The following MCCC1 variants were observed in gnomAD, a reference collection of about 807,000 sequenced individuals.
The protein encoded by MCCC1 is methylcrotonyl-CoA carboxylase subunit 1.
In MCCC1, 64 loss-of-function variants were observed where a neutral mutation model predicts 83.8. That is an observed-to-expected ratio of 0.76 (90% CI 0.62 to 0.94). The LOEUF is 0.94. Ranked by LOEUF, MCCC1 falls within the 40% of genes least tolerant of loss-of-function variation. MCCC1 has a pLI of 0.00. For missense variants in MCCC1, 807 were observed against 904.7 expected (o/e 0.89, Z 1.39); for synonymous variants, 322 against 315.4 (o/e 1.02, Z -0.22).
chr3:183,017,436 TCATAA>T, intron 17 of MCCC1, 99 bp from the exon 18 acceptor site: 2 of 1,026,620 alleles, frequency 1.9e-6, no homozygotes, highest in Non-Finnish European at 1.5e-6. Context: ...CTATATATAC[TCATAA>T]CATCATGTTG....
chr3:183,039,812 A>C (rs1014526410), intron 11 of MCCC1, among the ~76,000 whole-genome samples: 1 of 152,112 alleles, frequency 6.6e-6, no homozygotes, highest in African/African-American at 2.4e-5. Context: ...TGATAAGATT[A>C]GAGGTGCCTA....
intron 10 of MCCC1, among the ~76,000 whole-genome samples, chr3:183,042,258 T>C (rs1399545754): frequency 2.0e-5 from 3 of 152,230 alleles, no homozygotes; most frequent in Non-Finnish European, 4.4e-5. Flanking sequence ...GGGAAAATGA[T>C]GGTTTTTCAA....
intron 14 of MCCC1, among the ~76,000 whole-genome samples, chr3:183,029,889 T>C (rs1712907367): frequency 3.3e-5 from 5 of 152,110 alleles, no homozygotes; most frequent in Admixed American, 3.3e-4. Flanking sequence ...TAGTCAGAGC[T>C]GATGTTCCGA....
At chr3:183,027,969 A>T (rs2134427) in intron 14 of MCCC1, among the ~76,000 whole-genome samples, 136,911 of 152,282 alleles carry the variant, frequency 0.9, 61,860 homozygotes, top group East Asian at 1. Context: ...AACAACAGAC[A>T]TTTAATGGAG....
chr3:183,112,947 C>T (rs960413116), intron 1 of MCCC1, among the ~76,000 whole-genome samples: 2 of 151,792 alleles, frequency 1.3e-5, no homozygotes, highest in African/African-American at 2.4e-5. Flanking sequence ...AAAAATTGGC[C>T]GGGCACGGTG....
At chr3:183,099,532 A>T (rs1419487305), upstream of MCCC1, 15 of 1,477,356 alleles carry the variant, frequency 1.0e-5, no homozygotes, top group Non-Finnish European at 1.4e-5. Context: ...AAGCCTCGTG[A>T]CCCCCGCCGG....
At position 183,064,848 on chromosome 3, in the gene MCCC1, T is replaced by C. The variant is rs1716134625; in HGVS notation, c.761+6151A>G. Among the ~76,000 whole-genome samples, 1 of 152,182 alleles carries C rather than the reference T, an allele frequency of 6.6e-6. No individual in the cohort carries two copies. The highest frequency in any genetic ancestry group is 6.5e-5 in the Admixed American group (1 of 15,278). ...AACTGACAAGTGGCCACCTGAACTT[T>C]TTATTTAGTGTCGGTTGCAATGGGC... On this transcript the variant is annotated intron_variant, in intron 7 of 18. Coordinates refer to ENST00000265594, the MANE Select transcript of MCCC1 (RefSeq NM_020166.5). This position sits in a 1 kb window ranked among gnomAD's most constrained non-coding sequence, Gnocchi z 4.5.
At chr3:183,104,762 C>T (rs1719380207) in intron 1 of MCCC1, among the ~76,000 whole-genome samples, 1 of 152,202 alleles carries the variant, frequency 6.6e-6, no homozygotes, top group African/African-American at 2.4e-5. Context: ...CACCATACTT[C>T]ACCTATCATA....
intron 10 of MCCC1, among the ~76,000 whole-genome samples, chr3:183,045,092 C>G (rs201204223): frequency 7.3e-6 from 1 of 137,820 alleles, no homozygotes; most frequent in Non-Finnish European, 1.6e-5. Flanking sequence ...CAAGACTGAT[C>G]TTTTTTTTTT....
intron 1 of MCCC1, among the ~76,000 whole-genome samples, chr3:183,113,834 T>C (rs1054507137): frequency 3.9e-5 from 6 of 152,272 alleles, no homozygotes; most frequent in Middle Eastern, 6.8e-3. Flanking sequence ...TCCTGATTTT[T>C]AGCTGGTGGG....
chr3:183,016,504 T>G (rs964970089), intron 18 of MCCC1, among the ~76,000 whole-genome samples: 2 of 152,208 alleles, frequency 1.3e-5, no homozygotes, highest in Non-Finnish European at 2.9e-5. Flanking sequence ...GTGCTGGGAT[T>G]ACAGGCATGA....
At chr3:183,091,144 C>G (rs756293828) in intron 3 of MCCC1, 1 of 401,222 alleles carries the variant, frequency 2.5e-6, no homozygotes. Flanking sequence ...CAAGGGCCTG[C>G]TGTACAGTGA....
intron 13 of MCCC1, among the ~76,000 whole-genome samples, chr3:183,035,422 T>G (rs1713487276): frequency 6.6e-6 from 1 of 152,160 alleles, no homozygotes; most frequent in South Asian, 2.1e-4. Flanking sequence ...AATTAAAGAT[T>G]CTAATGATAG....
At chr3:183,041,968 G>A (rs1007112625) in intron 10 of MCCC1, among the ~76,000 whole-genome samples, 2 of 152,114 alleles carry the variant, frequency 1.3e-5, no homozygotes, top group African/African-American at 2.4e-5. Context: ...TTGGGGTATC[G>A]GAGTTTTTAA....
intron 14 of MCCC1, among the ~76,000 whole-genome samples, chr3:183,026,691 C>G (rs1022899388): frequency 6.6e-6 from 1 of 151,886 alleles, no homozygotes; most frequent in African/African-American, 2.4e-5. Flanking sequence ...GCCTGGGTGA[C>G]AGAGTGAGGC....
At chr3:183,051,585 A>G (rs1714981528) in intron 9 of MCCC1, among the ~76,000 whole-genome samples, 1 of 152,156 alleles carries the variant, frequency 6.6e-6, no homozygotes, top group Non-Finnish European at 1.5e-5. Context: ...CCATAGTACA[A>G]TGGTGGATAC....
intron 4 of MCCC1, among the ~76,000 whole-genome samples, chr3:183,080,692 T>C (rs1577343073): frequency 6.6e-6 from 1 of 152,246 alleles, no homozygotes; most frequent in African/African-American, 2.4e-5. Context: ...ACCAATTTTC[T>C]GTATTAGTCT....
At position 183,086,799 on chromosome 3, in the gene MCCC1, A is replaced by G; in HGVS notation, c.274-11T>C. 6.2e-7 allele frequency: 1 copy of G among 1,612,608 alleles called. No homozygotes were observed. Among genetic ancestry groups the G allele is most frequent in the Non-Finnish European group, 8.5e-7 (1 of 1,178,966 alleles). ...ATATGCTTCATCTGCCTGTTTAAGAAACATCACATGCTTAAAAGACTTTGT... is the reference window on the plus strand; with the variant it reads ...ATATGCTTCATCTGCCTGTTTAAGAGACATCACATGCTTAAAAGACTTTGT... On this transcript the variant is annotated splice_polypyrimidine_tract_variant and intron_variant, in intron 3 of 18. Coordinates refer to ENST00000265594, the MANE Select transcript of MCCC1 (RefSeq NM_020166.5).
At chr3:183,102,255 A>G (rs1031450765), upstream of MCCC1, among the ~76,000 whole-genome samples, 1 of 152,158 alleles carries the variant, frequency 6.6e-6, no homozygotes, top group African/African-American at 2.4e-5. Context: ...AGTCCCAGCT[A>G]CTCGGGAGAC....
Sources: gnomAD v4.1 joint callset for allele counts (sites outside exome capture counted in the v4.1 genomes callset) on GRCh38, gnomAD v4.1.1 for gene constraint, Gnocchi (gnomAD v3.1) non-coding constraint, MANE v1.5 for transcripts, NCBI Gene and HGNC (gene_info 2026-07-23, HGNC 2026-07-21) for gene names.